The following DHX32 variants were observed in gnomAD, a reference collection of about 807,000 sequenced individuals.
DHX32 encodes the protein DEAH-box helicase 32 (putative).
In DHX32, 51 loss-of-function variants were observed where a neutral mutation model predicts 70.0. That is an observed-to-expected ratio of 0.73 (90% CI 0.58 to 0.92). The LOEUF is 0.92. Among genes scored for constraint, DHX32 ranks in the 40% least tolerant of loss-of-function variants. The pLI, the probability that DHX32 is intolerant of heterozygous loss-of-function variation, is 0.00. For missense variants in DHX32, 762 were observed against 891.8 expected, an observed-to-expected ratio of 0.85 and a Z score of 1.85; for synonymous variants, 310 against 315.3, an observed-to-expected ratio of 0.98 and a Z score of 0.18.
At chr10:125,873,627 T>C (rs1450236658) in intron 1 of DHX32, among the ~76,000 whole-genome samples, 2 of 152,218 alleles carry the variant, frequency 1.3e-5, no homozygotes, top group East Asian at 1.9e-4. Context: ...CACAAGCTCA[T>C]GGTTTTTAAG....
chr10:125,852,069 G>A (rs1944097832), intron 6 of DHX32, among the ~76,000 whole-genome samples: 1 of 152,168 alleles, frequency 6.6e-6, no homozygotes, highest in African/African-American at 2.4e-5. Flanking sequence ...TCCAACAGCA[G>A]ACACATTTCT....
intron 1 of DHX32, among the ~76,000 whole-genome samples, chr10:125,891,653 T>C (rs1944371892): frequency 6.6e-6 from 1 of 152,306 alleles, no homozygotes; most frequent in Non-Finnish European, 1.5e-5. Context: ...GGGTAGTCAT[T>C]TTACATGAAC....
Position 125,836,716 on chromosome 10 carries a change from C to A in DHX32, c.2203G>T (p.Glu735Ter). The change falls in exon 11 of 11, where the codon GAA becomes TAA. Residue 735 changes from glutamate (E) to a stop codon, truncating the protein, a stop_gained. Coordinates refer to ENST00000284690, the MANE Select transcript of DHX32 (RefSeq NM_018180.3). LOFTEE classifies it high-confidence loss of function. ...TGGAGAGTGCATCTCTGTTCAGTTT[C>A]AGGGCACGTCTCACACATTTGCTGT... ...KEQQMCETCP[E>*]TEQRCTLQ 5 of 1,614,172 alleles carry A rather than the reference C, an allele frequency of 3.1e-6. No homozygotes were observed. Among genetic ancestry groups the A allele is most frequent in the Non-Finnish European group, 4.2e-6 (5 of 1,180,026 alleles).
At chr10:125,846,168 G>C (rs528950218) in intron 6 of DHX32, among the ~76,000 whole-genome samples, 1 of 152,210 alleles carries the variant, frequency 6.6e-6, no homozygotes, top group African/African-American at 2.4e-5. Context: ...AATTACCAAC[G>C]GTCTCCACTC....
chr10:125,840,761 A>G, intron 8 of DHX32, 86 bp downstream of exon 8: 1 of 1,421,944 alleles, frequency 7.0e-7, no homozygotes, highest in Non-Finnish European at 9.4e-7. Flanking sequence ...CTGGCGAAGA[A>G]TGTTTGATGA....
chr10:125,882,419 A>G (rs899660917), upstream of DHX32, among the ~76,000 whole-genome samples: 31 of 152,300 alleles, frequency 2.0e-4, no homozygotes, highest in African/African-American at 7.0e-4. Flanking sequence ...ATTGGTCAAG[A>G]CAGGCTCCAG....
At chr10:125,870,901 G>C (rs1241021798) in intron 1 of DHX32, among the ~76,000 whole-genome samples, 1 of 152,042 alleles carries the variant, frequency 6.6e-6, no homozygotes, top group Non-Finnish European at 1.5e-5. Context: ...AACATCAGGG[G>C]GACAGTACTA....
intron 1 of DHX32, among the ~76,000 whole-genome samples, chr10:125,876,578 A>G (rs1162883875): frequency 6.6e-6 from 1 of 152,224 alleles, no homozygotes. Context: ...TGAGGCACTG[A>G]GAAGGATACA....
chr10:125,885,285 G>A (rs745921360), upstream of DHX32, among the ~76,000 whole-genome samples: 5 of 152,088 alleles, frequency 3.3e-5, no homozygotes, highest in Non-Finnish European at 2.9e-5. Flanking sequence ...CCAAAGATGT[G>A]CATGTAGGAA....
chr10:125,846,377 C>T (rs570349895), intron 6 of DHX32, among the ~76,000 whole-genome samples: 1 of 152,292 alleles, frequency 6.6e-6, no homozygotes, highest in Admixed American at 6.5e-5. Context: ...TTTAAAATGA[C>T]CATACAGTGG....
intron 10 of DHX32, among the ~76,000 whole-genome samples, chr10:125,837,516 C>T (rs570586211): frequency 6.6e-6 from 1 of 152,306 alleles, no homozygotes; most frequent in Admixed American, 6.5e-5. Flanking sequence ...CAGCCTTGAC[C>T]TCCTGGGCTC....
chr10:125,853,067 C>A, intron 4 of DHX32: 1 of 1,261,108 alleles, frequency 7.9e-7, no homozygotes, highest in Non-Finnish European at 1.1e-6. Flanking sequence ...CTGAGAGTTC[C>A]AATCATAACA....
chr10:125,859,053 T>G (rs2366047), intron 3 of DHX32, among the ~76,000 whole-genome samples: 54,200 of 146,860 alleles, frequency 0.37, 10,790 homozygotes, highest in Non-Finnish European at 0.47. Flanking sequence ...TTGTTTTTTT[T>G]TTTTTTTTTT....
rs1395279026 is a variant in DHX32 at position 125,839,197 on chromosome 10, G to A, written c.1694-9C>T. ...CCACTTTTCCACACAGTCTAGGAGGGAAAGAACACAAGGCTATTTAGAAAT... is the reference window on the plus strand; with the variant it reads ...CCACTTTTCCACACAGTCTAGGAGGAAAAGAACACAAGGCTATTTAGAAAT... On this transcript the variant is annotated splice_polypyrimidine_tract_variant and intron_variant, in intron 8 of 10. Coordinates refer to ENST00000284690, the MANE Select transcript of DHX32 (RefSeq NM_018180.3). 2 of 1,610,708 alleles carry A rather than the reference G, an allele frequency of 1.2e-6. No homozygotes were observed. The highest frequency in any genetic ancestry group is 1.7e-5 in the Admixed American group (1 of 59,692).
At chr10:125,895,342 C>T (rs1944448245) in intron 1 of DHX32, among the ~76,000 whole-genome samples, 1 of 152,278 alleles carries the variant, frequency 6.6e-6, no homozygotes, top group Non-Finnish European at 1.5e-5. Context: ...CCCTCAAGTA[C>T]TGTCTGGAGC....
intron 6 of DHX32, among the ~76,000 whole-genome samples, chr10:125,850,652 G>A (rs1944079385): frequency 6.6e-6 from 1 of 152,194 alleles, no homozygotes; most frequent in Non-Finnish European, 1.5e-5. Context: ...ACTGTGCCCA[G>A]CAACTTTATT....
chr10:125,882,099 A>T (rs1246176415), upstream of DHX32, among the ~76,000 whole-genome samples: 1 of 152,240 alleles, frequency 6.6e-6, no homozygotes, highest in East Asian at 1.9e-4. Context: ...CCCAAGAAAG[A>T]GCAAGATTTA....
At chr10:125,890,132 C>T (rs4990761) in intron 1 of DHX32, among the ~76,000 whole-genome samples, 1 of 152,266 alleles carries the variant, frequency 6.6e-6, no homozygotes, top group Admixed American at 6.5e-5. Flanking sequence ...ACACTAATGG[C>T]GATGTCAGGA....
At chr10:125,841,653 T>C (rs1387089826) in intron 7 of DHX32, 90 bp downstream of exon 7, 6 of 1,524,514 alleles carry the variant, frequency 3.9e-6, no homozygotes, top group Non-Finnish European at 5.2e-6. Context: ...TGCTCTGTGC[T>C]CCTCAAAATA....
Sources: gnomAD v4.1 joint callset for allele counts (sites outside exome capture counted in the v4.1 genomes callset) on GRCh38, gnomAD v4.1.1 for gene constraint, MANE v1.5 for transcripts, NCBI Gene and HGNC (gene_info 2026-07-23, HGNC 2026-07-21) for gene names.